PUM1: variants seen among roughly 807,000 people sequenced by gnomAD.
PUM1 encodes the protein pumilio RNA binding family member 1.
In PUM1, 13 loss-of-function variants were observed where a neutral mutation model predicts 131.8. The observed-to-expected ratio is 0.10, with a 90% confidence interval of 0.06 to 0.16. The LOEUF is 0.16. Among genes scored for constraint, PUM1 ranks in the 10% least tolerant of loss-of-function variants. The pLI is 1.00. For synonymous variants in PUM1, 509 were observed against 556.5 expected, an observed-to-expected ratio of 0.91 and a Z score of 1.20; for missense variants, 961 against 1,512.4, an observed-to-expected ratio of 0.64 and a Z score of 6.05.
At chr1:31,045,165 G>C (rs941972590) in intron 2 of PUM1, among the ~76,000 whole-genome samples, 2 of 147,728 alleles carry the variant, frequency 1.4e-5, no homozygotes, top group African/African-American at 5.0e-5. Context: ...TTGAGACGAA[G>C]TCATCACCTA....
chr1:31,044,512 T>A (rs1255172015), intron 2 of PUM1, among the ~76,000 whole-genome samples: 5 of 152,174 alleles, frequency 3.3e-5, no homozygotes, highest in African/African-American at 1.2e-4. Context: ...ATGCTTCACT[T>A]ATGTCCAGAA....
At position 31,039,224 on chromosome 1, in the gene PUM1, T is replaced by A. The variant is rs183796891; in HGVS notation, c.364-10360A>T. Among the ~76,000 whole-genome samples the A allele has an allele frequency of 9.2e-3, 1,321 of 144,150 alleles. 27 individuals carry two copies. Among genetic ancestry groups the A allele is most frequent in the African/African-American group, 0.031 (1,203 of 39,050 alleles). 94.6% of individuals were successfully genotyped at this position (144,150 alleles called of 152,430 possible). On this transcript the variant is annotated intron_variant, in intron 2 of 21. Coordinates refer to ENST00000426105, the MANE Select transcript of PUM1 (RefSeq NM_001020658.2). ...TTACCCACGCTAACAAAAAAAAAAT[T>A]TTTTTTTTTTTTGAGGCAGAGTCTG...
chr1:31,031,767 A>C, intron 2 of PUM1, among the ~76,000 whole-genome samples: 1 of 152,046 alleles, frequency 6.6e-6, no homozygotes, highest in Non-Finnish European at 1.5e-5. Flanking sequence ...AAACTTGCTC[A>C]TCCTGCCCTT....
Position 30,991,680 on chromosome 1 carries a change from C to T in PUM1, c.1158+710G>A, listed in dbSNP as rs186705553. ...TTAACAAGATTGGGAAACTAACAGC[C>T]CCTCTTTTGTAGTTCAGACAGCTGA... On this transcript the variant is annotated intron_variant, in intron 7 of 21. Coordinates refer to ENST00000426105, the MANE Select transcript of PUM1 (RefSeq NM_001020658.2). Among the ~76,000 whole-genome samples, 124 of 152,230 alleles carry T rather than the reference C, an allele frequency of 8.1e-4. 2 individuals are homozygous for T. The highest frequency in any genetic ancestry group is 2.2e-3 in the Admixed American group (33 of 15,282).
intron 7 of PUM1, among the ~76,000 whole-genome samples, chr1:30,984,404 T>C (rs1035922583): frequency 2.0e-5 from 3 of 152,250 alleles, no homozygotes; most frequent in Non-Finnish European, 2.9e-5. Flanking sequence ...GGCAAAGCAC[T>C]GAGCTCTGCT....
chr1:31,058,964 G>A (rs1449717709), intron 2 of PUM1, among the ~76,000 whole-genome samples: 1 of 152,124 alleles, frequency 6.6e-6, no homozygotes, highest in Non-Finnish European at 1.5e-5. Context: ...CTGGGTGACA[G>A]AGCAAGACTC....
rs527315794 is a variant in PUM1 at position 30,933,228 on chromosome 1, G to A, written c.3550C>T (p.Pro1184Ser). ...ACACTGCCTCAGATGATACCATTAGGGGGGCCACAGATGGGCCCTAAGTCA... is the reference window on the plus strand; with the variant it reads ...ACACTGCCTCAGATGATACCATTAGAGGGGCCACAGATGGGCCCTAAGTCA... ...GVDLGPICGP[P>S]NGII Residue 1184 changes from proline to serine, a missense_variant, in exon 22 of 22, where the codon CCT becomes TCT. Around this residue, in one of 4 missense-constraint regions of PUM1, gnomAD observed 178 missense variants for 327.5 expected, o/e 0.54. Coordinates refer to ENST00000426105, the MANE Select transcript of PUM1 (RefSeq NM_001020658.2). The A allele has an allele frequency of 3.7e-6, 6 of 1,613,222 alleles. No individual in the cohort carries two copies. Among genetic ancestry groups the A allele is most frequent in the Non-Finnish European group, 5.1e-6 (6 of 1,179,626 alleles).
chr1:31,056,203 A>T (rs1644232536), intron 2 of PUM1, among the ~76,000 whole-genome samples: 1 of 152,090 alleles, frequency 6.6e-6, no homozygotes, highest in Non-Finnish European at 1.5e-5. Flanking sequence ...CCATTACTTC[A>T]TCTTTCCAGG....
chr1:31,009,885 T>C (rs779609626), intron 3 of PUM1, among the ~76,000 whole-genome samples: 2 of 152,090 alleles, frequency 1.3e-5, no homozygotes, highest in Admixed American at 6.6e-5. Flanking sequence ...GTAAAATTGC[T>C]TACAGAAAGC....
intron 3 of PUM1, among the ~76,000 whole-genome samples, chr1:31,027,565 G>A (rs1346356760): frequency 6.6e-6 from 1 of 152,116 alleles, no homozygotes; most frequent in Non-Finnish European, 1.5e-5. Flanking sequence ...AGCTCTAGGA[G>A]GAAAACAGAC....
At chr1:31,036,876 G>A (rs890459724) in intron 2 of PUM1, 1 of 153,718 alleles carries the variant, frequency 6.5e-6, no homozygotes, top group Non-Finnish European at 1.5e-5. Flanking sequence ...CTATAATGAA[G>A]AAGAGTATGA....
chr1:31,012,729 A>G (rs1304533050), intron 3 of PUM1, among the ~76,000 whole-genome samples: 1 of 152,076 alleles, frequency 6.6e-6, no homozygotes, highest in African/African-American at 2.4e-5. Flanking sequence ...ACGCAAAACC[A>G]CACTTAACAC....
At chr1:30,942,611 T>C (rs1178580629) in intron 18 of PUM1, among the ~76,000 whole-genome samples, 12 of 152,270 alleles carry the variant, frequency 7.9e-5, no homozygotes, top group Middle Eastern at 3.4e-3. Context: ...TTGCTGGGTT[T>C]GGAGCAATAG....
intron 3 of PUM1, among the ~76,000 whole-genome samples, chr1:31,021,880 A>G (rs544056461): frequency 5.3e-5 from 8 of 152,256 alleles, no homozygotes; most frequent in Admixed American, 4.6e-4. Flanking sequence ...GATTTGAGTT[A>G]TAAGAGATCT....
At chr1:30,989,632 C>A (rs1641707932) in intron 7 of PUM1, among the ~76,000 whole-genome samples, 1 of 149,874 alleles carries the variant, frequency 6.7e-6, no homozygotes, top group Non-Finnish European at 1.5e-5. Flanking sequence ...CTTCCCTTCC[C>A]AAGAGACCAG....
intron 5 of PUM1, among the ~76,000 whole-genome samples, chr1:30,997,661 G>A (rs1642031456): frequency 6.6e-6 from 1 of 152,124 alleles, no homozygotes; most frequent in South Asian, 2.1e-4. Context: ...CTGAGAACCT[G>A]CTCAGCTCTT....
chr1:31,057,403 C>A (rs2123995965), intron 2 of PUM1, among the ~76,000 whole-genome samples: 3 of 93,496 alleles, frequency 3.2e-5, no homozygotes, highest in Middle Eastern at 0.015. Context: ...CAGACCTTGT[C>A]TCAAAAAAAA....
intron 5 of PUM1, among the ~76,000 whole-genome samples, chr1:31,003,910 A>G (rs1390441302): frequency 1.3e-5 from 2 of 152,234 alleles, no homozygotes; most frequent in African/African-American, 4.8e-5. Flanking sequence ...ATAATATTCC[A>G]TTACCCACAA....
At chr1:30,990,287 G>A (rs1391781213) in intron 7 of PUM1, among the ~76,000 whole-genome samples, 1 of 152,160 alleles carries the variant, frequency 6.6e-6, no homozygotes, top group Non-Finnish European at 1.5e-5. Flanking sequence ...TTACAATCTG[G>A]CAAGGACTAT....
Sources: allele counts gnomAD v4.1 joint callset (sites outside exome capture counted in the v4.1 genomes callset), GRCh38; gene constraint gnomAD v4.1.1; regional missense constraint gnomAD v4.1.1; transcripts MANE v1.5; gene names NCBI Gene and HGNC (gene_info 2026-07-23, HGNC 2026-07-21).